LIPH: variants seen among roughly 807,000 people sequenced by gnomAD.
LIPH encodes lipase H, also known as lipase member H.
A neutral mutation model predicts 47.6 loss-of-function variants in LIPH; 32 were observed. The observed-to-expected ratio is 0.67, with a 90% CI of 0.51 to 0.90. The LOEUF (loss-of-function observed/expected upper bound fraction) is 0.90, where lower values mean the gene tolerates loss of function less well. Ranked by LOEUF, LIPH falls within the 40% of genes least tolerant of loss-of-function variation. The pLI, the probability that LIPH is intolerant of heterozygous loss-of-function variation, is 0.00. For missense variants in LIPH, 497 were observed against 541.4 expected (o/e 0.92, Z 0.81); for synonymous variants, 190 against 195.6 (o/e 0.97, Z 0.24).
chr3:185,520,938 C>T (rs1021129192), intron 5 of LIPH, among the ~76,000 whole-genome samples: 2 of 151,040 alleles, frequency 1.3e-5, no homozygotes, highest in South Asian at 2.1e-4. Context: ...GGCATGATCC[C>T]GGCTCACTGC....
intron 1 of LIPH, among the ~76,000 whole-genome samples, chr3:185,539,374 T>C (rs766083167): frequency 6.6e-6 from 1 of 151,902 alleles, no homozygotes; most frequent in Non-Finnish European, 1.5e-5. Flanking sequence ...ATCTTTTTTT[T>C]TTTTCCTTTT....
chr3:185,519,069 T>TA (rs1719818253), intron 6 of LIPH, 73 bp downstream of exon 6: 12 of 1,292,660 alleles, frequency 9.3e-6, no homozygotes, highest in Non-Finnish European at 6.8e-6. Flanking sequence ...TTTTACATGA[T>TA]AAAGTGGTTC....
chr3:185,513,193 A>G (rs558779683), intron 8 of LIPH, among the ~76,000 whole-genome samples: 4 of 152,218 alleles, frequency 2.6e-5, no homozygotes, highest in African/African-American at 9.6e-5. Context: ...TATAAAAATT[A>G]GCTGGGCATG....
chr3:185,524,234 A>G (rs1212177034), intron 4 of LIPH, 74 bp from the exon 5 acceptor site: 1 of 836,394 alleles, frequency 1.2e-6, no homozygotes, highest in Non-Finnish European at 2.1e-6. Flanking sequence ...CCTGCCAGGT[A>G]TAAGCAGGAA....
At chr3:185,529,891 G>C (rs952389921) in intron 3 of LIPH, among the ~76,000 whole-genome samples, 6 of 144,014 alleles carry the variant, frequency 4.2e-5, no homozygotes, top group Non-Finnish European at 7.5e-5. Flanking sequence ...AAGAGAGAGA[G>C]AGAAAGAGAG....
chr3:185,530,019 T>C (rs968554257), intron 3 of LIPH, among the ~76,000 whole-genome samples: 9 of 151,782 alleles, frequency 5.9e-5, no homozygotes, highest in Non-Finnish European at 1.3e-4. Context: ...CGCGGTGGCA[T>C]GCGCCTGTAG....
intron 3 of LIPH, among the ~76,000 whole-genome samples, chr3:185,532,233 C>G (rs1044763557): frequency 6.6e-6 from 1 of 152,034 alleles, no homozygotes; most frequent in Non-Finnish European, 1.5e-5. Flanking sequence ...AACATGAGGC[C>G]GGGCACAGTG....
At chr3:185,520,432 G>A (rs1025130930) in intron 5 of LIPH, among the ~76,000 whole-genome samples, 9 of 151,762 alleles carry the variant, frequency 5.9e-5, no homozygotes, top group Admixed American at 3.3e-4. Context: ...CAGGAGAATC[G>A]CTTGAACCTG....
chr3:185,549,053 C>T (rs948421183), intron 1 of LIPH, among the ~76,000 whole-genome samples: 2 of 151,974 alleles, frequency 1.3e-5, no homozygotes, highest in East Asian at 1.9e-4. Flanking sequence ...ATTGCTTGAA[C>T]CCGGGAGGCA....
intron 5 of LIPH, 76 bp from the exon 6 acceptor site, chr3:185,519,385 C>A (rs1488288424): frequency 1.7e-5 from 15 of 887,066 alleles, no homozygotes; most frequent in Non-Finnish European, 2.7e-5. Context: ...ATTCTATACA[C>A]ACACAATTTC....
At chr3:185,534,293 T>G (rs994897849) in intron 2 of LIPH, among the ~76,000 whole-genome samples, 30 of 151,900 alleles carry the variant, frequency 2.0e-4, no homozygotes, top group Admixed American at 1.9e-3. Context: ...TAGGCAAAGG[T>G]TGCGGTGAGC....
intron 3 of LIPH, among the ~76,000 whole-genome samples, chr3:185,529,496 T>C (rs563536591): frequency 6.8e-6 from 1 of 147,716 alleles, no homozygotes; most frequent in East Asian, 2.1e-4. Context: ...CAGGCTGGTC[T>C]CAAACTCCTG....
Position 185,510,302 on chromosome 3 carries a change from C to T in LIPH, c.1268+1222G>A, listed in dbSNP as rs538185014. The stretch of plus-strand genomic sequence containing the variant: ...AAAGTACTAACTACTCACATCATTT[C>T]CTGTCTCCCTCTCTGTCCACAGGTT... On this transcript the variant is annotated intron_variant, in intron 9 of 9. Transcript: ENST00000296252. Among the ~76,000 whole-genome samples, 287 of 152,298 alleles carry T rather than the reference C, an allele frequency of 1.9e-3. 3 individuals carry two copies. Among genetic ancestry groups the T allele is most frequent in the Middle Eastern group, 3.4e-3 (1 of 294 alleles).
At chr3:185,537,964 G>C (rs34709868) in intron 1 of LIPH, among the ~76,000 whole-genome samples, 15,780 of 152,034 alleles carry the variant, frequency 0.1, 1,169 homozygotes, top group East Asian at 0.43. Flanking sequence ...ACATCACCAT[G>C]TCTGGCTAAT....
intron 5 of LIPH, among the ~76,000 whole-genome samples, chr3:185,520,529 A>G (rs1002757322): frequency 2.6e-5 from 4 of 152,140 alleles, no homozygotes; most frequent in Non-Finnish European, 4.4e-5. Context: ...AAAAAAAGAA[A>G]AAAAAAAGCA....
At chr3:185,528,774 A>G (rs1002370883) in intron 3 of LIPH, among the ~76,000 whole-genome samples, 2 of 152,170 alleles carry the variant, frequency 1.3e-5, no homozygotes, top group African/African-American at 2.4e-5. Context: ...CCCTTGGTCA[A>G]TGTTATTTGG....
At chr3:185,542,697 G>A (rs1248627777) in intron 1 of LIPH, among the ~76,000 whole-genome samples, 1 of 152,124 alleles carries the variant, frequency 6.6e-6, no homozygotes, top group Non-Finnish European at 1.5e-5. Context: ...ATTCACAATA[G>A]CAAAGATATG....
chr3:185,517,027 G>T, intron 7 of LIPH, 40 bp downstream of exon 7: 3 of 1,306,012 alleles, frequency 2.3e-6, no homozygotes, highest in Non-Finnish European at 3.3e-6. Context: ...TCCCCAAAAT[G>T]AGAGTTAGGC....
At chr3:185,538,875 A>G (rs1277168135) in intron 1 of LIPH, among the ~76,000 whole-genome samples, 2 of 141,144 alleles carry the variant, frequency 1.4e-5, no homozygotes, top group African/African-American at 5.2e-5. Context: ...ATATATACAC[A>G]TATATATACA....
Sources: allele counts gnomAD v4.1 joint callset (sites outside exome capture counted in the v4.1 genomes callset), GRCh38; gene constraint gnomAD v4.1.1; transcripts MANE v1.5; gene names NCBI Gene and HGNC (gene_info 2026-07-23, HGNC 2026-07-21).